PTCH1: variants seen among roughly 807,000 people sequenced by gnomAD.
PTCH1 encodes patched 1, also known as protein patched homolog 1.
Under a neutral mutation model 144.6 loss-of-function variants are expected in PTCH1, and 14 were observed. The ratio of observed to expected loss-of-function variants is 0.10; its 90% confidence interval spans 0.06 to 0.15. The LOEUF (loss-of-function observed/expected upper bound fraction) is 0.15, where lower values mean the gene tolerates loss of function less well. PTCH1 is among the 10% of genes least tolerant of loss of function. The pLI is 1.00. For synonymous variants in PTCH1, 833 were observed against 793.6 expected (o/e 1.05, Z -0.83); for missense variants, 1,623 against 1,948.3 (o/e 0.83, Z 3.14).
chr9:95,488,674 A>G (rs144380014), intron 2 of PTCH1, among the ~76,000 whole-genome samples: 1,806 of 152,324 alleles, frequency 0.012, 27 homozygotes, highest in East Asian at 0.031. Flanking sequence ...CAGTCAGCGT[A>G]GTCTCTCTCC....
chr9:95,489,821 G>C (rs1278782924), intron 2 of PTCH1, among the ~76,000 whole-genome samples: 4 of 128,228 alleles, frequency 3.1e-5, no homozygotes, highest in East Asian at 4.4e-4. Context: ...TTTTTTTTGT[G>C]ACGGAGTCTT....
At chr9:95,467,002 G>C (rs566815588) in intron 15 of PTCH1, 114 bp downstream of exon 15, 1 of 1,193,166 alleles carries the variant, frequency 8.4e-7, no homozygotes, top group East Asian at 2.5e-5. Context: ...AAAAGTCCAT[G>C]AAACACGTCA....
At chr9:95,514,647 T>TGTGTGAGA (rs56689083) in intron 1 of PTCH1, 6,787 of 148,822 alleles carry the variant, frequency 0.046, 205 homozygotes, top group Non-Finnish European at 0.068. Context: ...TGTGTGTGTG[T>TGTGTGAGA]GAGAGAGAGA....
intron 12 of PTCH1, 64 bp from the exon 13 acceptor site, chr9:95,469,995 G>A (rs1564036292): frequency 3.5e-6 from 4 of 1,134,754 alleles, no homozygotes; most frequent in Non-Finnish European, 5.4e-6. Flanking sequence ...GGACTGCTTC[G>A]AAAATAAAGA....
chr9:95,488,323 A>G (rs946874706), intron 2 of PTCH1, among the ~76,000 whole-genome samples: 4 of 152,172 alleles, frequency 2.6e-5, no homozygotes, highest in Non-Finnish European at 4.4e-5. Flanking sequence ...GAACACAAAT[A>G]TTTTGCCAAT....
chr9:95,502,941 G>A (rs1006513295), intron 2 of PTCH1, among the ~76,000 whole-genome samples: 1 of 152,074 alleles, frequency 6.6e-6, no homozygotes, highest in African/African-American at 2.4e-5. Flanking sequence ...ACATGCCTTT[G>A]GCAGATAGGA....
chr9:95,485,590 C>T, intron 3 of PTCH1, 95 bp downstream of exon 3: 1 of 1,466,184 alleles, frequency 6.8e-7, no homozygotes, highest in Non-Finnish European at 9.5e-7. Flanking sequence ...ATTTCCAGGG[C>T]AACTTCATTT....
At position 95,458,147 on chromosome 9, in the gene PTCH1, C is replaced by T. The variant is rs187813269; in HGVS notation, c.3034G>A (p.Gly1012Ser). ...TGCTCCCAGAAGAGGAAGGGGTAGCCGTTGGGGTAACTGGACAGCCCCAGG... is the reference window on the plus strand; with the variant it reads ...TGCTCCCAGAAGAGGAAGGGGTAGCTGTTGGGGTAACTGGACAGCCCCAGG... Reference protein sequence around the residue: ...TSLGLSSYPNGYPFLFWEQYI... With the variant: ...TSLGLSSYPNSYPFLFWEQYI... The change falls in exon 18 of 24, where the codon GGC becomes AGC. Residue 1012 changes from glycine (G) to serine (S), a missense_variant. Gly to Ser is a moderately conservative substitution (Grantham distance 56, BLOSUM62 0). Transcript: ENST00000331920. The surrounding 1 kb of genome is among the most constrained non-coding windows in gnomAD (Gnocchi z 4.7). 16 of 1,614,184 alleles carry T rather than the reference C, an allele frequency of 9.9e-6. No homozygotes were observed. The highest frequency in any genetic ancestry group is 1.3e-5 in the African/African-American group (1 of 75,038).
chr9:95,456,488 G>T, intron 18 of PTCH1, 75 bp from the exon 19 acceptor site: 1 of 1,564,018 alleles, frequency 6.4e-7, no homozygotes, highest in East Asian at 2.3e-5. Flanking sequence ...GGTCGCCAGA[G>T]GGCTAAGGTG....
rs371005794 is a variant in PTCH1, at chr9:95,494,076, A to AACCGCACGGG, written c.395-8212_395-8203dup. On this transcript the variant is annotated intron_variant, in intron 2 of 23. Transcript: ENST00000331920. ...AAAGGACACCCCCACCTGCCCACGG[A>AACCGCACGGG]ACCGCACGGGACCGCACGGGGCATG... 5.1e-3 allele frequency among the ~76,000 whole-genome samples: 773 copies of AACCGCACGGG among 152,332 alleles called. 8 individuals are homozygous for AACCGCACGGG. Among genetic ancestry groups the AACCGCACGGG allele is most frequent in the African/African-American group, 0.017 (726 of 41,566 alleles).
At chr9:95,463,475 T>C (rs1839720700) in intron 15 of PTCH1, among the ~76,000 whole-genome samples, 1 of 152,158 alleles carries the variant, frequency 6.6e-6, no homozygotes, top group East Asian at 1.9e-4. Context: ...GTTATTTTAT[T>C]ACTGAAAGCC....
At chr9:95,484,363 T>A (rs1841813877) in intron 3 of PTCH1, 1 of 152,158 alleles carries the variant, frequency 6.6e-6, no homozygotes, top group African/African-American at 2.4e-5. Flanking sequence ...CTGGGAACCA[T>A]GAAGGATACG....
chr9:95,469,823 A>T lies in PTCH1; in HGVS notation c.1837T>A (p.Cys613Ser), dbSNP rs948568790. 6.2e-7 allele frequency: 1 copy of T among 1,612,754 alleles called. No homozygotes were observed. Among genetic ancestry groups the T allele is most frequent in the Non-Finnish European group, 8.5e-7 (1 of 1,178,734 alleles). Residue 613 changes from cysteine (C) to serine (S), a missense_variant, in exon 13 of 24, where the codon TGT becomes AGT. Cys to Ser is a moderately radical substitution (Grantham distance 112, BLOSUM62 -1). Transcript: ENST00000331920. The part of the protein sequence containing the change: ...REDRRLDIFC[C>S]FTSPCVSRVI... ...AGTCTGAAAATGTACCTTGTAAAAC[A>T]GCAGAAAATATCCAGTCTCCTGTCC...
chr9:95,486,228 A>C (rs1841957593), intron 2 of PTCH1, among the ~76,000 whole-genome samples: 1 of 152,260 alleles, frequency 6.6e-6, no homozygotes, highest in South Asian at 2.1e-4. Context: ...ACTTGTATAA[A>C]CAATGCGCCC....
chr9:95,505,869 G>A (rs1843546633), intron 2 of PTCH1, among the ~76,000 whole-genome samples: 2 of 148,898 alleles, frequency 1.3e-5, no homozygotes, highest in South Asian at 4.1e-4. Flanking sequence ...CGCCTCCGCA[G>A]CCCCGCGCTG....
At chr9:95,489,208 A>G (rs1842201807) in intron 2 of PTCH1, among the ~76,000 whole-genome samples, 1 of 152,204 alleles carries the variant, frequency 6.6e-6, no homozygotes, top group Non-Finnish European at 1.5e-5. Flanking sequence ...ATCACTGCTG[A>G]ATGACAGCTG....
At chr9:95,509,809 G>A (rs1001983447), upstream of PTCH1, among the ~76,000 whole-genome samples, 1 of 152,202 alleles carries the variant, frequency 6.6e-6, no homozygotes, top group South Asian at 2.1e-4. Flanking sequence ...TGGATAGTGC[G>A]CCAGTGTGTG....
chr9:95,478,862 A>G, intron 8 of PTCH1, 138 bp downstream of exon 8: 1 of 1,358,024 alleles, frequency 7.4e-7, no homozygotes, highest in African/African-American at 1.4e-5. Flanking sequence ...GAAGAGGAAA[A>G]AAGTTTTCAT....
chr9:95,502,996 T>G (rs1843262786), intron 2 of PTCH1, among the ~76,000 whole-genome samples: 1 of 152,248 alleles, frequency 6.6e-6, no homozygotes, highest in Non-Finnish European at 1.5e-5. Context: ...CACGCTCCTG[T>G]GATTTTAAAC....
Sources: allele counts gnomAD v4.1 joint callset (sites outside exome capture counted in the v4.1 genomes callset), GRCh38; gene constraint gnomAD v4.1.1; non-coding constraint Gnocchi (gnomAD v3.1); transcripts MANE v1.5; gene names NCBI Gene and HGNC (gene_info 2026-07-23, HGNC 2026-07-21).